The following ZNF462 variants were observed in gnomAD, a reference collection of about 807,000 sequenced individuals.
ZNF462 encodes zinc finger PBX1-interacting protein.
ZNF462 carries 10 observed loss-of-function variants against 201.9 expected under a neutral mutation model. The ratio of observed to expected loss-of-function variants is 0.05; its 90% CI spans 0.03 to 0.08. The LOEUF is 0.08. ZNF462 is among the 10% of genes least tolerant of loss of function. The pLI is 1.00. For missense variants in ZNF462, 2,523 were observed against 3,168.3 expected, an observed-to-expected ratio of 0.80 and a Z score of 4.89; for synonymous variants, 1,227 against 1,193.3, an observed-to-expected ratio of 1.03 and a Z score of -0.58.
intron 1 of ZNF462, among the ~76,000 whole-genome samples, chr9:106,867,200 T>G (rs1048448525): frequency 2.5e-4 from 38 of 152,208 alleles, no homozygotes; most frequent in African/African-American, 8.9e-4. Flanking sequence ...AAGGACATGG[T>G]TTTTTGAATT....
At position 106,923,278 on chromosome 9, in the gene ZNF462, G is replaced by C; in HGVS notation, c.-30-76G>C. 1 of 1,097,570 alleles carries C rather than the reference G, an allele frequency of 9.1e-7. No individual in the cohort carries two copies. The highest frequency in any genetic ancestry group is 1.4e-6 in the Non-Finnish European group (1 of 739,334). The allele number at this position is 1,097,570 out of a possible 1,614,324, so 68.0% of individuals were successfully genotyped here. ...GATACTGGAATTTTTTCCCATTAAT[G>C]GATATATAGCCCCATCAGCTCGAGG... On this transcript the variant is annotated intron_variant, in intron 1 of 12. Transcript: ENST00000277225. This position sits in a 1 kb window ranked among gnomAD's most constrained non-coding sequence, Gnocchi z 5.6.
chr9:106,952,101 C>T (rs577582576), intron 7 of ZNF462, among the ~76,000 whole-genome samples: 2 of 152,098 alleles, frequency 1.3e-5, no homozygotes, highest in Admixed American at 6.6e-5. Context: ...TGAGATTTGG[C>T]TTGAAAGCTG....
At position 106,925,324 on chromosome 9, in the gene ZNF462, A is replaced by G; in HGVS notation, c.1412A>G (p.Lys471Arg). 1 of 1,614,212 alleles carries G rather than the reference A, an allele frequency of 6.2e-7. No individual in the cohort carries two copies. The highest frequency in any genetic ancestry group is 1.3e-5 in the African/African-American group (1 of 75,062). The change falls in exon 3 of 13, where the codon AAA (lysine) becomes AGA (arginine). Residue 471 changes from lysine to arginine, a missense_variant. Coordinates refer to ENST00000277225, the MANE Select transcript of ZNF462 (RefSeq NM_021224.6). The surrounding 1 kb of genome is among the most constrained non-coding windows in gnomAD (Gnocchi z 7.9). Reference protein sequence around the residue: ...IHLSGKTAVYKCDECPFTCKS... With the variant: ...IHLSGKTAVYRCDECPFTCKS... ...TTATCTGGAAAGACAGCTGTCTACA[A>G]ATGTGACGAATGTCCGTTTACTTGC...
rs555721041 is a variant in ZNF462 at position 106,981,968 on chromosome 9, G to A, written c.6833-2218G>A. On this transcript the variant is annotated intron_variant, in intron 9 of 12. Transcript: ENST00000277225. This position sits in a 1 kb window ranked among gnomAD's most constrained non-coding sequence, Gnocchi z 4.0. ...GTAGAGATGATAACATATAAATGAG[G>A]AACTAAAATGTAGAGAGAGCAAGGG... Among the ~76,000 whole-genome samples the A allele has an allele frequency of 3.9e-5, 6 of 152,184 alleles. No individual in the cohort carries two copies. The highest frequency in any genetic ancestry group is 1.2e-4 in the African/African-American group (5 of 41,440).
At chr9:106,944,209 G>A (rs934171540) in intron 7 of ZNF462, among the ~76,000 whole-genome samples, 6 of 152,128 alleles carry the variant, frequency 3.9e-5, no homozygotes, top group Non-Finnish European at 8.8e-5. Context: ...TTTGTTCTCT[G>A]TGTCTCTGTC....
intron 1 of ZNF462, among the ~76,000 whole-genome samples, chr9:106,879,152 C>A (rs983284068): frequency 6.6e-6 from 1 of 152,020 alleles, no homozygotes; most frequent in Non-Finnish European, 1.5e-5. Flanking sequence ...TCAGGTCTGC[C>A]GAGCCAGCAG....
At chr9:106,995,140 T>C (rs1282681992) in intron 10 of ZNF462, among the ~76,000 whole-genome samples, 2 of 152,172 alleles carry the variant, frequency 1.3e-5, no homozygotes, top group Non-Finnish European at 2.9e-5. Flanking sequence ...TTCTTAATTA[T>C]GTCTTTCACC....
chr9:106,862,953 CTCTCTT>C (rs1827118978), upstream of ZNF462: 1 of 395,274 alleles, frequency 2.5e-6, no homozygotes, highest in Non-Finnish European at 4.4e-6. This position sits in a 1 kb window ranked among gnomAD's most constrained non-coding sequence, Gnocchi z 4.2. Flanking sequence ...TGTCTTCCTT[CTCTCTT>C]TCTGTCTTGC....
intron 6 of ZNF462, among the ~76,000 whole-genome samples, chr9:106,937,921 A>G (rs2131606545): frequency 6.6e-6 from 1 of 152,272 alleles, no homozygotes; most frequent in East Asian, 1.9e-4. Context: ...ATATCTTCTT[A>G]TTACTCTTTG....
In ZNF462 at chr9:106,950,783, A is replaced by G. The variant is rs1171051075; in HGVS notation, c.6427+11676A>G. Among the ~76,000 whole-genome samples, 1 of 152,162 alleles carries G rather than the reference A, an allele frequency of 6.6e-6. No homozygotes were observed. The highest frequency in any genetic ancestry group is 2.4e-5 in the African/African-American group (1 of 41,434). On this transcript the variant is annotated intron_variant, in intron 7 of 12. Coordinates refer to ENST00000277225, the MANE Select transcript of ZNF462 (RefSeq NM_021224.6). The surrounding 1 kb of genome is among the most constrained non-coding windows in gnomAD (Gnocchi z 4.1). ...CTCCATAACGGAAGTCTGGAAAACA[A>G]TAACTCTTTAAAAAATTAAGTTCAG...
At chr9:106,897,157 C>T (rs1377669397) in intron 1 of ZNF462, among the ~76,000 whole-genome samples, 1 of 152,174 alleles carries the variant, frequency 6.6e-6, no homozygotes, top group Non-Finnish European at 1.5e-5. Flanking sequence ...ACCTCCCTTT[C>T]AGAGAAAACT....
chr9:106,904,977 TG>T (rs35878882), intron 1 of ZNF462, among the ~76,000 whole-genome samples: 2 of 152,158 alleles, frequency 1.3e-5, no homozygotes, highest in South Asian at 2.1e-4. Context: ...GATTTTTTTG[TG>T]GGGGGGTGTT....
At chr9:106,990,133 G>A (rs1828154169) in intron 10 of ZNF462, among the ~76,000 whole-genome samples, 1 of 151,758 alleles carries the variant, frequency 6.6e-6, no homozygotes, top group Admixed American at 6.6e-5. Context: ...ATTGTCGTTT[G>A]GTTCAAAGAA....
intron 10 of ZNF462, among the ~76,000 whole-genome samples, chr9:106,996,068 T>C (rs913500957): frequency 1.3e-5 from 2 of 152,192 alleles, no homozygotes; most frequent in Non-Finnish European, 2.9e-5. Flanking sequence ...ATGCAGTGTT[T>C]GGTTTTCTGT....
Position 106,972,077 on chromosome 9 carries a change from A to G in ZNF462, c.6500A>G (p.Asn2167Ser), listed in dbSNP as rs765223917. 2 of 1,614,188 alleles carry G rather than the reference A, an allele frequency of 1.2e-6. No individual in the cohort carries two copies. The highest frequency in any genetic ancestry group is 2.2e-5 in the South Asian group (2 of 91,080). The change falls in exon 8 of 13, where the codon AAC becomes AGC. Residue 2167 changes from asparagine (N) to serine (S), a missense_variant. Coordinates refer to ENST00000277225, the MANE Select transcript of ZNF462 (RefSeq NM_021224.6). The surrounding 1 kb of genome is among the most constrained non-coding windows in gnomAD (Gnocchi z 4.8). ...TATCAGTCAGCTGCCCTGGCAAGGAACAACAGCCGTGTTAGCCCTGTGCCT... is the reference window on the plus strand; with the variant it reads ...TATCAGTCAGCTGCCCTGGCAAGGAGCAACAGCCGTGTTAGCCCTGTGCCT... ...NHYQSAALAR[N>S]NSRVSPVPLS...
rs182363485 is a variant in ZNF462, at chr9:107,013,631, T to C, written c.*2601T>C. ...AAATTAATAAAGAATTTTTTTCACA[T>C]GTGTCTATGTGCATCTGTTGTAAAT... On this transcript the variant is annotated 3_prime_UTR_variant, in exon 13 of 13. Coordinates refer to ENST00000277225, the MANE Select transcript of ZNF462 (RefSeq NM_021224.6). 6.4e-3 allele frequency: 972 copies of C among 152,236 alleles called. 12 individuals carry two copies. Among genetic ancestry groups the C allele is most frequent in the African/African-American group, 0.023 (940 of 41,570 alleles). 9.4% of individuals were successfully genotyped at this position (152,236 alleles called of 1,614,324 possible). A position where few individuals can be genotyped will look rare whatever the true frequency, so the allele number is the denominator to read the frequency against.
intron 10 of ZNF462, among the ~76,000 whole-genome samples, chr9:106,996,415 T>C (rs1044704193): frequency 7.9e-5 from 12 of 152,186 alleles, no homozygotes; most frequent in African/African-American, 2.9e-4. Context: ...GTTGAAGTAG[T>C]TTACAGTCCC....
At position 106,927,204 on chromosome 9, in the gene ZNF462, T is replaced by TCGCCCCCC; in HGVS notation, c.3293_3294insGCCCCCCC (p.Pro1102HisfsTer42). 1 of 1,570,644 alleles carries TCGCCCCCC rather than the reference T, an allele frequency of 6.4e-7. No homozygotes were observed. Among genetic ancestry groups the TCGCCCCCC allele is most frequent in the Non-Finnish European group, 8.7e-7 (1 of 1,149,990 alleles). ...GTCTCCCAAAATGTCCAACATGGGT[T>TCGCCCCCC]CCCCACCCCCCCCACAACCCCCGCC... On this transcript the variant is annotated frameshift_variant, in exon 3 of 13. Transcript: ENST00000277225. LOFTEE classifies it high-confidence loss of function.
intron 1 of ZNF462, among the ~76,000 whole-genome samples, chr9:106,910,742 G>A (rs537199695): frequency 6.7e-6 from 1 of 149,926 alleles, no homozygotes; most frequent in Admixed American, 6.6e-5. Context: ...GCCTTTGTTA[G>A]CAGTGTGAGA....
Sources: allele counts gnomAD v4.1 joint callset (sites outside exome capture counted in the v4.1 genomes callset), GRCh38; gene constraint gnomAD v4.1.1; non-coding constraint Gnocchi (gnomAD v3.1); transcripts MANE v1.5; gene names NCBI Gene and HGNC (gene_info 2026-07-23, HGNC 2026-07-21).